The following DSCAM variants were observed in gnomAD, a reference collection of about 807,000 sequenced individuals.
DSCAM encodes DS cell adhesion molecule.
A neutral mutation model predicts 217.7 loss-of-function variants in DSCAM; 47 were observed. The observed-to-expected ratio is 0.22, with a 90% CI of 0.17 to 0.28. DSCAM has a LOEUF of 0.28. DSCAM is among the 10% of genes least tolerant of loss of function. The pLI is 1.00. For synonymous variants in DSCAM, 1,056 were observed against 1,015.3 expected (o/e 1.04, Z -0.76); for missense variants, 2,080 against 2,618.3 (o/e 0.79, Z 4.49).
intron 11 of DSCAM, among the ~76,000 whole-genome samples, chr21:40,255,737 T>G (rs1308187486): frequency 6.6e-6 from 1 of 152,138 alleles, no homozygotes; most frequent in African/African-American, 2.4e-5. Flanking sequence ...TTCTGAGATG[T>G]AAGTGATTAT....
Position 40,086,770 on chromosome 21 carries a change from T to C in DSCAM, c.3968+400A>G, listed in dbSNP as rs1042255327. On this transcript the variant is annotated intron_variant, in intron 22 of 32. Transcript: ENST00000400454. The stretch of plus-strand genomic sequence containing the variant: ...TTTCTTAAAGTTCTTTCTCAGGGTA[T>C]TTGAGTTATGGTTAGTTCACTATCT... Among the ~76,000 whole-genome samples, 10 of 152,312 alleles carry C rather than the reference T, an allele frequency of 6.6e-5. No individual in the cohort carries two copies. The Middle Eastern group carries it at 0.01, about 155-fold the overall frequency.
intron 1 of DSCAM, among the ~76,000 whole-genome samples, chr21:40,765,098 A>G (rs1569025386): frequency 7.8e-6 from 1 of 128,326 alleles, no homozygotes; most frequent in Non-Finnish European, 1.6e-5. Flanking sequence ...CATGTATCAC[A>G]GAAAAAAAAA....
chr21:40,681,927 G>A (rs1241530629), intron 3 of DSCAM, among the ~76,000 whole-genome samples: 1 of 152,128 alleles, frequency 6.6e-6, no homozygotes, highest in Non-Finnish European at 1.5e-5. Flanking sequence ...GCCTGACAGG[G>A]ACCCTCCCCA....
Position 40,050,238 on chromosome 21 carries a change from G to A in DSCAM, c.5185+1720C>T, listed in dbSNP as rs186304017. ...TCTGATGCATGTAAAGGTGGAGAAC[G>A]AGACCCAGGGCATCTGCTCTGTTGT... is the stretch of plus-strand genomic sequence containing the variant. On this transcript the variant is annotated intron_variant, in intron 30 of 32. Coordinates refer to ENST00000400454, the MANE Select transcript of DSCAM (RefSeq NM_001389.5). Among the ~76,000 whole-genome samples, 13 of 152,318 alleles carry A rather than the reference G, an allele frequency of 8.5e-5. No homozygotes were observed. In the East Asian group the frequency reaches 1.5e-3, roughly 18 times the overall value.
chr21:40,358,309 C>T (rs772812273), intron 4 of DSCAM, among the ~76,000 whole-genome samples: 1 of 152,122 alleles, frequency 6.6e-6, no homozygotes, highest in Non-Finnish European at 1.5e-5. Context: ...TGGATATCCA[C>T]ATGGAAAATA....
chr21:40,062,467 C>T (rs552197665), intron 28 of DSCAM, among the ~76,000 whole-genome samples: 1 of 152,176 alleles, frequency 6.6e-6, no homozygotes, highest in Non-Finnish European at 1.5e-5. Flanking sequence ...CTTTGAAGAG[C>T]ATGGGGCATA....
intron 3 of DSCAM, among the ~76,000 whole-genome samples, chr21:40,469,317 G>A (rs73361151): frequency 0.012 from 1,770 of 152,144 alleles, 31 homozygotes; most frequent in African/African-American, 0.038. Flanking sequence ...CTGAAAGGAG[G>A]GAGAAAAAAA....
chr21:40,650,151 C>T (rs894332386), intron 3 of DSCAM, among the ~76,000 whole-genome samples: 31 of 152,126 alleles, frequency 2.0e-4, no homozygotes, highest in African/African-American at 7.2e-4. Flanking sequence ...TGAACTGCTT[C>T]CCAAGGTCAA....
At chr21:40,720,391 C>T (rs977086394) in intron 1 of DSCAM, among the ~76,000 whole-genome samples, 1 of 152,184 alleles carries the variant, frequency 6.6e-6, no homozygotes, top group African/African-American at 2.4e-5. Context: ...AATCACAAAT[C>T]AGTTAAATGA....
chr21:40,175,770 A>ACCACACAC (rs1555886068), intron 15 of DSCAM, among the ~76,000 whole-genome samples: 1 of 126,354 alleles, frequency 7.9e-6, no homozygotes, highest in Admixed American at 8.2e-5. Context: ...ATATTTTCTC[A>ACCACACAC]ACACACACAT....
intron 11 of DSCAM, among the ~76,000 whole-genome samples, chr21:40,201,882 G>A (rs1302651745): frequency 6.6e-6 from 1 of 152,170 alleles, no homozygotes; most frequent in East Asian, 1.9e-4. Context: ...TGCTGTCCAG[G>A]ATATTAATTG....
intron 3 of DSCAM, among the ~76,000 whole-genome samples, chr21:40,570,972 T>C (rs2076801818): frequency 6.6e-6 from 1 of 152,158 alleles, no homozygotes; most frequent in African/African-American, 2.4e-5. Context: ...TAGCCAATAT[T>C]TTTTAAGTTA....
At chr21:40,218,053 C>G (rs1046179422) in intron 11 of DSCAM, among the ~76,000 whole-genome samples, 1 of 152,128 alleles carries the variant, frequency 6.6e-6, no homozygotes, top group Admixed American at 6.5e-5. Flanking sequence ...CTTTTGGTAT[C>G]TTTTTCATGA....
At position 40,105,897 on chromosome 21, in the gene DSCAM, T is replaced by C. The variant is rs1474836919; in HGVS notation, c.3697-12023A>G. Among the ~76,000 whole-genome samples the C allele has an allele frequency of 2.6e-5, 4 of 152,256 alleles. No individual in the cohort carries two copies. In the East Asian group the frequency reaches 5.8e-4, roughly 22 times the overall value. ...TTTGTCTTTACTTCTGTTTATGTGA[T>C]GAATCACATTTATTGATTGAGTATG... On this transcript the variant is annotated intron_variant, in intron 20 of 32. Transcript: ENST00000400454.
At chr21:40,220,475 G>T (rs73904749) in intron 11 of DSCAM, among the ~76,000 whole-genome samples, 5,904 of 152,226 alleles carry the variant, frequency 0.039, 257 homozygotes, top group African/African-American at 0.1. Context: ...TGGGTTTTGA[G>T]GTTAAGACAT....
intron 22 of DSCAM, among the ~76,000 whole-genome samples, chr21:40,086,335 C>G (rs1186254352): frequency 6.6e-6 from 1 of 152,194 alleles, no homozygotes; most frequent in African/African-American, 2.4e-5. Context: ...TGGGGTCATT[C>G]CCACAACAGG....
chr21:40,705,952 G>A (rs1198988667), intron 2 of DSCAM, among the ~76,000 whole-genome samples: 1 of 152,048 alleles, frequency 6.6e-6, no homozygotes, highest in Non-Finnish European at 1.5e-5. Flanking sequence ...AGGCCGAGGT[G>A]GGCAGATCAC....
chr21:40,138,162 G>A lies in DSCAM; in HGVS notation c.3407-4153C>T, dbSNP rs181273984. 3.3e-3 allele frequency among the ~76,000 whole-genome samples: 497 copies of A among 152,222 alleles called. 7 individuals are homozygous for A. Among genetic ancestry groups the A allele is most frequent in the Non-Finnish European group, 6.6e-4 (45 of 68,020 alleles). On this transcript the variant is annotated intron_variant, in intron 18 of 32. Transcript: ENST00000400454. ...TTAACAACAGAATTCTTTCTTAGAC[G>A]TATTTTGGAAAGTATTCGGGCTATT...
At chr21:40,572,539 T>C (rs1300169332) in intron 3 of DSCAM, among the ~76,000 whole-genome samples, 1 of 152,116 alleles carries the variant, frequency 6.6e-6, no homozygotes, top group African/African-American at 2.4e-5. Context: ...GAGATAGATA[T>C]TTGAAAATAA....
Sources: allele counts gnomAD v4.1 joint callset (sites outside exome capture counted in the v4.1 genomes callset), GRCh38; gene constraint gnomAD v4.1.1; transcripts MANE v1.5; gene names NCBI Gene and HGNC (gene_info 2026-07-23, HGNC 2026-07-21).